SEC23A: variants seen among roughly 807,000 people sequenced by gnomAD.
SEC23A encodes the protein protein transport protein Sec23A.
In SEC23A, 56 loss-of-function variants were observed where a neutral mutation model predicts 103.7. That is an observed-to-expected ratio of 0.54 (90% confidence interval 0.44 to 0.67). The LOEUF (loss-of-function observed/expected upper bound fraction) is 0.67. Among genes scored for constraint, SEC23A ranks in the 30% least tolerant of loss-of-function variants. SEC23A has a pLI of 0.00. For synonymous variants in SEC23A, 281 were observed against 293.0 expected, an observed-to-expected ratio of 0.96 and a Z score of 0.42; for missense variants, 784 against 936.4, an observed-to-expected ratio of 0.84 and a Z score of 2.12.
intron 7 of SEC23A, among the ~76,000 whole-genome samples, chr14:39,083,082 G>A (rs1217447417): frequency 6.6e-6 from 1 of 152,124 alleles, no homozygotes; most frequent in Admixed American, 6.5e-5. Flanking sequence ...GGTTATATAG[G>A]AGATTATCCT....
At chr14:39,058,570 G>T (rs1886333232) in intron 13 of SEC23A, among the ~76,000 whole-genome samples, 1 of 152,106 alleles carries the variant, frequency 6.6e-6, no homozygotes, top group African/African-American at 2.4e-5. Flanking sequence ...GCCTCCCAAA[G>T]TGCTGGGATT....
intron 1 of SEC23A, among the ~76,000 whole-genome samples, chr14:39,097,401 G>A (rs537943283): frequency 6.6e-6 from 1 of 152,286 alleles, no homozygotes; most frequent in East Asian, 1.9e-4. Context: ...TGAACCTAGG[G>A]TGCCTGGAAA....
chr14:39,100,453 C>A (rs12897593), intron 1 of SEC23A, among the ~76,000 whole-genome samples: 41,187 of 148,996 alleles, frequency 0.28, 6,862 homozygotes, highest in Non-Finnish European at 0.37. Flanking sequence ...TCGCTCGTTG[C>A]CCAGGCTGGA....
chr14:39,062,763 T>G (rs1052148351), intron 12 of SEC23A, among the ~76,000 whole-genome samples: 2 of 152,142 alleles, frequency 1.3e-5, no homozygotes, highest in African/African-American at 4.8e-5. Flanking sequence ...AAGCTGACTG[T>G]TAATATTTTG....
intron 17 of SEC23A, chr14:39,041,424 A>AAAAAAAAAAAAAAAAAAAAAAAT: frequency 8.4e-6 from 1 of 118,830 alleles, no homozygotes; most frequent in African/African-American, 3.0e-5. Flanking sequence ...AAAAAAAAAA[A>AAAAAAAAAAAAAAAAAAAAAAAT]AAAAAAAAAA....
intron 6 of SEC23A, 83 bp from the exon 7 acceptor site, chr14:39,085,989 T>A (rs1887430582): frequency 2.4e-6 from 3 of 1,232,406 alleles, no homozygotes; most frequent in Non-Finnish European, 2.4e-6. Context: ...TTCCTAAAAA[T>A]AGAAAACAAC....
intron 1 of SEC23A, among the ~76,000 whole-genome samples, chr14:39,102,466 C>G (rs1335909728): frequency 6.6e-6 from 1 of 152,208 alleles, no homozygotes; most frequent in African/African-American, 2.4e-5. Flanking sequence ...CTTCCTCAGG[C>G]AGTACCTTTA....
At chr14:39,095,485 A>G (rs1887854354) in intron 2 of SEC23A, among the ~76,000 whole-genome samples, 1 of 151,974 alleles carries the variant, frequency 6.6e-6, no homozygotes, top group Non-Finnish European at 1.5e-5. Flanking sequence ...TTTAGTAGAG[A>G]CGGGGTTCCA....
chr14:39,099,167 T>G (rs897779708), intron 1 of SEC23A, among the ~76,000 whole-genome samples: 29 of 145,428 alleles, frequency 2.0e-4, no homozygotes, highest in Non-Finnish European at 3.5e-4. Context: ...TTTTTTTTTT[T>G]TTTTTTTTTT....
At chr14:39,095,131 T>C in intron 2 of SEC23A, 1 of 608,720 alleles carries the variant, frequency 1.6e-6, no homozygotes, top group South Asian at 2.0e-5. Flanking sequence ...AATAAGAGGC[T>C]GTAAGAGACA....
chr14:39,047,526 G>T, intron 15 of SEC23A: 1 of 505,334 alleles, frequency 2.0e-6, no homozygotes, highest in Non-Finnish European at 3.0e-6. Flanking sequence ...AAAAAACAGA[G>T]CAGCTCTGAA....
chr14:39,080,917 T>C (rs540846005), intron 7 of SEC23A, among the ~76,000 whole-genome samples: 51 of 152,058 alleles, frequency 3.4e-4, no homozygotes, highest in African/African-American at 1.2e-3. Context: ...GATCAAATAA[T>C]TTACAAGGGC....
Position 39,032,990 on chromosome 14 carries a change from T to TA in SEC23A, c.*248dup, listed in dbSNP as rs1446200288. The stretch of plus-strand genomic sequence containing the variant: ...TATTTTTTATTAAACATAATTAAGT[T>TA]ATAAAGACTTCAAATTTCTAGAACC... On this transcript the variant is annotated 3_prime_UTR_variant, in exon 20 of 20. Transcript: ENST00000307712. The TA allele has an allele frequency of 2.1e-6, 1 of 465,208 alleles. No individual in the cohort carries two copies. Among genetic ancestry groups the TA allele is most frequent in the Non-Finnish European group, 3.9e-6 (1 of 256,466 alleles). 28.8% of individuals were successfully genotyped at this position (465,208 alleles called of 1,614,324 possible).
In SEC23A at chr14:39,055,126, C is replaced by T. The variant is rs1242837119; in HGVS notation, c.1659+17G>A. 3 of 1,613,862 alleles carry T rather than the reference C, an allele frequency of 1.9e-6. No homozygotes were observed. Among genetic ancestry groups the T allele is most frequent in the South Asian group, 2.2e-5 (2 of 91,076 alleles). ...GAAAGCATACAGATTTAGAAAAGCACAGTGTTTATTTCTTACCAGTCGAAT... is the reference window on the plus strand; with the variant it reads ...GAAAGCATACAGATTTAGAAAAGCATAGTGTTTATTTCTTACCAGTCGAAT... On this transcript the variant is annotated intron_variant, in intron 14 of 19. Coordinates refer to ENST00000307712, the MANE Select transcript of SEC23A (RefSeq NM_006364.4).
chr14:39,040,690 C>A, intron 18 of SEC23A, 42 bp downstream of exon 18: 1 of 1,613,506 alleles, frequency 6.2e-7, no homozygotes, highest in Non-Finnish European at 8.5e-7. Flanking sequence ...TCACTGCAAA[C>A]CTAACAACAA....
intron 19 of SEC23A, among the ~76,000 whole-genome samples, chr14:39,037,722 C>T (rs1164407087): frequency 6.6e-6 from 1 of 152,008 alleles, no homozygotes; most frequent in African/African-American, 2.4e-5. Flanking sequence ...ACAAATTATC[C>T]CAATTATGTT....
chr14:39,033,172 G>C lies in SEC23A; in HGVS notation c.*67C>G. ...ATCTGTTGGTTTCCACAGATAAATG[G>C]AAAAAGGAAAAAATGAAATTTGAAT... On this transcript the variant is annotated 3_prime_UTR_variant, in exon 20 of 20. Coordinates refer to ENST00000307712, the MANE Select transcript of SEC23A (RefSeq NM_006364.4). 8.0e-7 allele frequency: 1 copy of C among 1,251,486 alleles called. No individual in the cohort carries two copies. Among genetic ancestry groups the C allele is most frequent in the Non-Finnish European group, 1.2e-6 (1 of 850,286 alleles). 77.5% of individuals were successfully genotyped at this position (1,251,486 alleles called of 1,614,324 possible).
Position 39,032,775 on chromosome 14 carries a change from A to G in SEC23A, c.*464T>C, listed in dbSNP as rs1355269254. On this transcript the variant is annotated 3_prime_UTR_variant, in exon 20 of 20. Transcript: ENST00000307712. ...TAAGTACAGAAAAAGTGTATACATA[A>G]GTGCTGAAAATTACAGAAAAATATT... 1 of 158,490 alleles carries G rather than the reference A, an allele frequency of 6.3e-6. No homozygotes were observed. The highest frequency in any genetic ancestry group is 1.4e-5 in the Non-Finnish European group (1 of 71,506). The allele number at this position is 158,490 out of a possible 1,614,324, so 9.8% of individuals were successfully genotyped here. A position where few individuals can be genotyped will look rare whatever the true frequency, so the allele number is the denominator to read the frequency against.
In SEC23A at chr14:39,094,391, CACACACATATATATATAT is replaced by C. The variant is rs1297118548; in HGVS notation, c.222-1165_222-1148del. Among the ~76,000 whole-genome samples the C allele has an allele frequency of 8.8e-3, 347 of 39,440 alleles. 60 individuals are homozygous for C. Among genetic ancestry groups the C allele is most frequent in the Middle Eastern group, 0.034 (4 of 118 alleles). 25.9% of individuals were successfully genotyped at this position (39,440 alleles called of 152,430 possible). A position where few individuals can be genotyped will look rare whatever the true frequency, so the allele number is the denominator to read the frequency against. On this transcript the variant is annotated intron_variant, in intron 2 of 19. Transcript: ENST00000307712. Reference sequence around the variant, plus strand: ...ATATATATACACACACACACACACACACACACATATATATATATATATATATATATATATATATATATA... The same window carrying C: ...ATATATATACACACACACACACACACATATATATATATATATATATATATA...
Sources: gnomAD v4.1 joint callset for allele counts (sites outside exome capture counted in the v4.1 genomes callset) on GRCh38, gnomAD v4.1.1 for gene constraint, MANE v1.5 for transcripts, NCBI Gene and HGNC (gene_info 2026-07-23, HGNC 2026-07-21) for gene names.